The following USB1 variants were observed in gnomAD, a reference collection of about 807,000 sequenced individuals.
USB1 encodes the protein U6 snRNA biogenesis phosphodiesterase 1.
Under a neutral mutation model 29.9 loss-of-function variants are expected in USB1, and 21 were observed. The observed-to-expected ratio is 0.70, with a 90% CI of 0.50 to 1.01. USB1 has a LOEUF of 1.01. Among genes scored for constraint, USB1 ranks in the 50% least tolerant of loss-of-function variants. USB1 has a pLI of 0.00. For missense variants in USB1, 330 were observed against 347.1 expected (o/e 0.95, Z 0.39); for synonymous variants, 143 against 134.9 (o/e 1.06, Z -0.42).
At chr16:58,012,394 T>A in intron 3 of USB1, 2 of 1,454,204 alleles carry the variant, frequency 1.4e-6, no homozygotes, top group African/African-American at 1.4e-5. Flanking sequence ...CTGGTATAAC[T>A]AAAAGATTCA....
chr16:58,010,053 C>T lies in USB1; in HGVS notation c.390C>T (p.Arg130=). ...GCCTGTCCCAGAGTGTGGTTCTGCG[C>T]CACCACTGGATCCTCCCCTTCGTGC... ...HLSLSQSVVL[R]HHWILPFVQA... The change falls in exon 3 of 7, where the codon CGC becomes CGT. Residue 130 remains arginine (R), a synonymous_variant. Coordinates refer to ENST00000219281, the MANE Select transcript of USB1 (RefSeq NM_024598.4). The T allele has an allele frequency of 6.2e-7, 1 of 1,614,168 alleles. No homozygotes were observed. The highest frequency in any genetic ancestry group is 1.6e-4 in the Middle Eastern group (1 of 6,062).
rs375733174 is a variant in USB1 at position 58,002,635 on chromosome 16, C to T, written c.255C>T (p.Val85=). The change falls in exon 2 of 7, where the codon GTC becomes GTT. Residue 85 remains valine, a synonymous_variant. Transcript: ENST00000219281. ...PHERGNWATH[V]YVPYEAKEEF... is the part of the protein sequence containing the mutation. ...AGCGAGGCAACTGGGCCACCCACGT[C>T]TATGTACCATGTGAGTGATGTGTGA... 2.5e-6 allele frequency: 4 copies of T among 1,613,746 alleles called. No homozygotes were observed. In the African/African-American group the frequency reaches 5.3e-5, roughly 22 times the overall value.
At chr16:58,009,373 C>G (rs1963437226) in intron 2 of USB1, among the ~76,000 whole-genome samples, 1 of 152,192 alleles carries the variant, frequency 6.6e-6, no homozygotes, top group Admixed American at 6.5e-5. Context: ...TGATAAAACA[C>G]TTTCAGGTTA....
At chr16:58,014,126 C>A in intron 3 of USB1, 147 bp from the exon 4 acceptor site, 1 of 681,572 alleles carries the variant, frequency 1.5e-6, no homozygotes, top group Non-Finnish European at 2.6e-6. Context: ...GTTTAAGGTT[C>A]AGTATACCAC....
chr16:58,012,907 C>A lies in USB1; in HGVS notation c.450-1366C>A, dbSNP rs571040358. On this transcript the variant is annotated intron_variant, in intron 3 of 6. Transcript: ENST00000219281. ...ACTTAGGAAAACTCTGCCTAAAGTC[C>A]ATTGCAAGAAATACTGATCCCTGTG... The A allele has an allele frequency of 6.1e-6, 6 of 986,778 alleles. No individual in the cohort carries two copies. The South Asian group carries it at 2.8e-4, about 46-fold the overall frequency. The allele number at this position is 986,778 out of a possible 1,614,324, so 61.1% of individuals were successfully genotyped here.
intron 2 of USB1, among the ~76,000 whole-genome samples, chr16:58,008,453 CT>C (rs56262437): frequency 0.5 from 56,950 of 114,800 alleles, 10,712 homozygotes; most frequent in Middle Eastern, 0.63. Context: ...TTTTCTTTTT[CT>C]TTTTTTTTTT....
In USB1 at chr16:58,013,893, T is replaced by G; in HGVS notation, c.450-380T>G. 1 of 232,292 alleles carries G rather than the reference T, an allele frequency of 4.3e-6. No individual in the cohort carries two copies. The highest frequency in any genetic ancestry group is 5.9e-5 in the South Asian group (1 of 16,894). 14.4% of individuals were successfully genotyped at this position (232,292 alleles called of 1,614,324 possible). A position where few individuals can be genotyped will look rare whatever the true frequency, so the allele number is the denominator to read the frequency against. On this transcript the variant is annotated intron_variant, in intron 3 of 6. Transcript: ENST00000219281. The surrounding 1 kb of genome is among the most constrained non-coding windows in gnomAD (Gnocchi z 4.3). ...CGTGATTGCTTAGATGAAATCGGAG[T>G]CATCTATTTTAAAAAACTGCAAGAA...
chr16:58,001,642 C>G, intron 1 of USB1, 61 bp downstream of exon 1: 1 of 1,538,036 alleles, frequency 6.5e-7, no homozygotes. Context: ...CAGACGGGAC[C>G]CGAATGTCTG....
intron 2 of USB1, among the ~76,000 whole-genome samples, chr16:58,007,160 T>C (rs1388679824): frequency 6.6e-6 from 1 of 152,256 alleles, no homozygotes; most frequent in Non-Finnish European, 1.5e-5. Flanking sequence ...ATGAGAGATA[T>C]GGGTCTGTAG....
Position 58,003,745 on chromosome 16 carries a change from T to C in USB1, c.265+1100T>C, listed in dbSNP as rs190005959. Among the ~76,000 whole-genome samples, 725 of 152,322 alleles carry C rather than the reference T, an allele frequency of 4.8e-3. 3 individuals are homozygous for C. Among genetic ancestry groups the C allele is most frequent in the Non-Finnish European group, 8.0e-3 (545 of 68,026 alleles). ...AATATTAATCATTTTTGTTTATTAA[T>C]AAATTTTAATCATTTTTGTTTATTT... is the stretch of plus-strand genomic sequence containing the variant. On this transcript the variant is annotated intron_variant, in intron 2 of 6. Coordinates refer to ENST00000219281, the MANE Select transcript of USB1 (RefSeq NM_024598.4).
chr16:58,017,712 C>T (rs908302186), intron 5 of USB1, among the ~76,000 whole-genome samples: 2 of 152,108 alleles, frequency 1.3e-5, no homozygotes, highest in Non-Finnish European at 2.9e-5. Context: ...ATAATGTTCC[C>T]GTGTTGTTTT....
Position 58,020,482 on chromosome 16 carries a change from CTCCTCTCT to C in USB1, c.*248_*255del, listed in dbSNP as rs1171451383. 7 of 571,646 alleles carry C rather than the reference CTCCTCTCT, an allele frequency of 1.2e-5. No homozygotes were observed. Among genetic ancestry groups the C allele is most frequent in the Admixed American group, 2.9e-5 (1 of 33,966 alleles). 35.4% of individuals were successfully genotyped at this position (571,646 alleles called of 1,614,324 possible). Reference sequence around the variant, plus strand: ...CTTTCTCTCCTCTGTCTCTCTTCCTCTCCTCTCTTCCTCTCTTCTCTCTTCCTCTCCTC... The same window carrying C: ...CTTTCTCTCCTCTGTCTCTCTTCCTCTCCTCTCTTCTCTCTTCCTCTCCTC... On this transcript the variant is annotated 3_prime_UTR_variant, in exon 7 of 7. Coordinates refer to ENST00000219281, the MANE Select transcript of USB1 (RefSeq NM_024598.4).
Position 58,001,584 on chromosome 16 carries a change from G to C in USB1, c.98+3G>C. Reference sequence around the variant, plus strand: ...CCGGGGGATGGGAGCCACCGTCGGTGAGGAGTGAGGAAGTCTCTCCGGAGG... The same window carrying C: ...CCGGGGGATGGGAGCCACCGTCGGTCAGGAGTGAGGAAGTCTCTCCGGAGG... On this transcript the variant is annotated splice_donor_region_variant and intron_variant, in intron 1 of 6. Coordinates refer to ENST00000219281, the MANE Select transcript of USB1 (RefSeq NM_024598.4). 1 of 1,602,906 alleles carries C rather than the reference G, an allele frequency of 6.2e-7. No individual in the cohort carries two copies. Among genetic ancestry groups the C allele is most frequent in the Non-Finnish European group, 8.5e-7 (1 of 1,175,358 alleles).
rs1481550649 is a variant in USB1, at chr16:58,010,058, A to G, written c.395A>G (p.His132Arg). 6.8e-6 allele frequency: 11 copies of G among 1,613,882 alleles called. No homozygotes were observed. The highest frequency in any genetic ancestry group is 8.5e-6 in the Non-Finnish European group (10 of 1,180,004). The change falls in exon 3 of 7, where the codon CAC becomes CGC. Residue 132 changes from histidine to arginine, a missense_variant. Coordinates refer to ENST00000219281, the MANE Select transcript of USB1 (RefSeq NM_024598.4). The part of the protein sequence containing the change: ...SLSQSVVLRH[H>R]WILPFVQALK... The stretch of plus-strand genomic sequence containing the variant: ...TCCCAGAGTGTGGTTCTGCGCCACC[A>G]CTGGATCCTCCCCTTCGTGCAGGCT...
At chr16:58,010,787 C>T in intron 3 of USB1, 1 of 559,556 alleles carries the variant, frequency 1.8e-6, no homozygotes, top group South Asian at 2.2e-5. Flanking sequence ...AGCATGGGAG[C>T]TTCTGACCCT....
At chr16:58,001,636 C>G (rs780553018) in intron 1 of USB1, 55 bp downstream of exon 1, 32 of 1,548,228 alleles carry the variant, frequency 2.1e-5, no homozygotes, top group Non-Finnish European at 1.9e-5. Flanking sequence ...TAGAGCCAGA[C>G]GGGACCCGAA....
At chr16:58,014,856 C>T (rs1214592016) in intron 4 of USB1, among the ~76,000 whole-genome samples, 1 of 152,024 alleles carries the variant, frequency 6.6e-6, no homozygotes. Flanking sequence ...GTGGGCAGAT[C>T]ACCTGAGGTC....
intron 4 of USB1, chr16:58,016,973 G>A (rs749766537): frequency 1.6e-4 from 52 of 330,002 alleles, no homozygotes; most frequent in Non-Finnish European, 2.2e-4. Flanking sequence ...CAAAGTCCTC[G>A]AGAAGAGGCC....
chr16:58,009,860 G>A lies in USB1; in HGVS notation c.266-69G>A, dbSNP rs1033584156. 6 of 1,595,842 alleles carry A rather than the reference G, an allele frequency of 3.8e-6. No homozygotes were observed. In the African/African-American group the frequency reaches 8.1e-5, roughly 21 times the overall value. On this transcript the variant is annotated intron_variant, in intron 2 of 6. Coordinates refer to ENST00000219281, the MANE Select transcript of USB1 (RefSeq NM_024598.4). ...TAATAAGGACTTCCCTCTGCCTTCT[G>A]GGCTTCTTCATTCAGCCATGGCACC...
Sources: allele counts gnomAD v4.1 joint callset (sites outside exome capture counted in the v4.1 genomes callset), GRCh38; gene constraint gnomAD v4.1.1; non-coding constraint Gnocchi (gnomAD v3.1); transcripts MANE v1.5; gene names NCBI Gene and HGNC (gene_info 2026-07-23, HGNC 2026-07-21).